Variants in IP6K1 observed in about 807,000 individuals in gnomAD.
The protein encoded by IP6K1 is ATP:1D-myo-inositol-hexakisphosphate phosphotransferase.
In IP6K1, 13 loss-of-function variants were observed where a neutral mutation model predicts 38.3. The ratio of observed to expected loss-of-function variants is 0.34; its 90% CI spans 0.22 to 0.54. The LOEUF is 0.54. Ranked by LOEUF, IP6K1 falls within the 20% of genes least tolerant of loss-of-function variation. IP6K1 has a pLI of 0.92. For synonymous variants in IP6K1, 212 were observed against 229.9 expected, an observed-to-expected ratio of 0.92 and a Z score of 0.70; for missense variants, 397 against 599.8, an observed-to-expected ratio of 0.66 and a Z score of 3.53.
chr3:49,728,342 C>T (rs2080530646), intron 4 of IP6K1, 64 bp from the exon 5 acceptor site: 3 of 1,538,320 alleles, frequency 2.0e-6, no homozygotes, highest in Admixed American at 3.5e-5. Context: ...GAAAGCACAA[C>T]CCAGTTTTTC....
intron 1 of IP6K1, among the ~76,000 whole-genome samples, chr3:49,770,657 G>A (rs568782014): frequency 2.0e-5 from 3 of 151,582 alleles, no homozygotes; most frequent in Non-Finnish European, 2.9e-5. Flanking sequence ...AAAAAATAAA[G>A]TTATATGATT....
chr3:49,766,177 AAAAAACAAAAAC>A (rs910391166), intron 1 of IP6K1, among the ~76,000 whole-genome samples: 6 of 152,094 alleles, frequency 3.9e-5, no homozygotes, highest in African/African-American at 1.2e-4. Context: ...CTCCATCTCA[AAAAAACAAAAAC>A]AAAAACAAAA....
At chr3:49,779,774 C>T (rs1326576305) in intron 1 of IP6K1, among the ~76,000 whole-genome samples, 1 of 152,160 alleles carries the variant, frequency 6.6e-6, no homozygotes, top group African/African-American at 2.4e-5. Context: ...CAGCCTCAAC[C>T]TCCTGGGCTC....
chr3:49,751,195 C>T (rs1004166441), intron 1 of IP6K1, among the ~76,000 whole-genome samples: 4 of 151,332 alleles, frequency 2.6e-5, no homozygotes, highest in Admixed American at 6.6e-5. Flanking sequence ...GTCTCACTGT[C>T]GCTAGGCTGG....
At chr3:49,774,363 G>C (rs2080987173) in intron 1 of IP6K1, among the ~76,000 whole-genome samples, 1 of 136,306 alleles carries the variant, frequency 7.3e-6, no homozygotes, top group South Asian at 2.3e-4. Context: ...AGCTGAGATA[G>C]TGCCACTGCA....
intron 1 of IP6K1, among the ~76,000 whole-genome samples, chr3:49,782,790 G>A (rs1419362711): frequency 1.3e-5 from 2 of 151,632 alleles, no homozygotes; most frequent in East Asian, 3.9e-4. Context: ...CAGCCTAGGA[G>A]GTTTTTAAGA....
At chr3:49,740,856 C>CTTTTTTTTTTTTTTTT (rs557851334) in intron 2 of IP6K1, among the ~76,000 whole-genome samples, 1 of 138,880 alleles carries the variant, frequency 7.2e-6, no homozygotes, top group Non-Finnish European at 1.6e-5. Flanking sequence ...TTTCTTTTTT[C>CTTTTTTTTTTTTTTTT]TTTTTTTTTT....
At chr3:49,744,067 C>T (rs1348745549) in intron 2 of IP6K1, among the ~76,000 whole-genome samples, 1 of 151,960 alleles carries the variant, frequency 6.6e-6, no homozygotes, top group Non-Finnish European at 1.5e-5. Context: ...CTAATGGTGA[C>T]TTCTATTCCC....
chr3:49,779,512 T>C (rs755442360), intron 1 of IP6K1, among the ~76,000 whole-genome samples: 3 of 152,202 alleles, frequency 2.0e-5, no homozygotes, highest in Non-Finnish European at 4.4e-5. Context: ...ATATGGTAAC[T>C]CTATGTTTAA....
chr3:49,765,816 G>T (rs192852375), intron 1 of IP6K1, among the ~76,000 whole-genome samples: 2 of 152,102 alleles, frequency 1.3e-5, no homozygotes, highest in African/African-American at 2.4e-5. Context: ...GCTAGGGCAG[G>T]TGGGTCACTT....
intron 2 of IP6K1, among the ~76,000 whole-genome samples, chr3:49,741,023 A>AT (rs1200186740): frequency 1.3e-5 from 2 of 151,738 alleles, no homozygotes; most frequent in Non-Finnish European, 2.9e-5. Flanking sequence ...TACTTTTTGT[A>AT]TTTTTTAGCA....
At chr3:49,739,880 T>C (rs1372548753) in intron 2 of IP6K1, among the ~76,000 whole-genome samples, 2 of 151,904 alleles carry the variant, frequency 1.3e-5, no homozygotes, top group African/African-American at 4.8e-5. Flanking sequence ...CCAGACATGG[T>C]GGTGCGTGCC....
At chr3:49,773,152 T>A (rs2080973800) in intron 1 of IP6K1, among the ~76,000 whole-genome samples, 1 of 152,130 alleles carries the variant, frequency 6.6e-6, no homozygotes, top group South Asian at 2.1e-4. Flanking sequence ...ATAGTCCCAA[T>A]TCTACCAATG....
At chr3:49,756,644 C>A (rs1011338762) in intron 1 of IP6K1, among the ~76,000 whole-genome samples, 8 of 151,748 alleles carry the variant, frequency 5.3e-5, no homozygotes, top group Admixed American at 3.3e-4. Flanking sequence ...ATGGAGAAAC[C>A]CTGTCTCTAC....
intron 1 of IP6K1, among the ~76,000 whole-genome samples, chr3:49,783,712 C>G (rs1320803749): frequency 2.5e-5 from 3 of 122,088 alleles, no homozygotes; most frequent in Non-Finnish European, 5.2e-5. Flanking sequence ...GATTCCGTCT[C>G]AAAAAAAAAA....
At chr3:49,763,256 A>AC (rs1371092177) in intron 1 of IP6K1, among the ~76,000 whole-genome samples, 2 of 147,502 alleles carry the variant, frequency 1.4e-5, no homozygotes. Context: ...GGCGCCCGCC[A>AC]CACACCCGGC....
intron 2 of IP6K1, among the ~76,000 whole-genome samples, chr3:49,740,513 T>G (rs2080657560): frequency 6.6e-6 from 1 of 152,206 alleles, no homozygotes; most frequent in Non-Finnish European, 1.5e-5. Flanking sequence ...CTCCCCATTT[T>G]CCCTTCCTCC....
chr3:49,740,228 CTTTTTTT>C (rs71080547), intron 2 of IP6K1, among the ~76,000 whole-genome samples: 2 of 76,510 alleles, frequency 2.6e-5, no homozygotes, highest in Non-Finnish European at 5.1e-5. Flanking sequence ...ATTTGCAATT[CTTTTTTT>C]TTTTTTTTTT....
intron 1 of IP6K1, among the ~76,000 whole-genome samples, chr3:49,782,566 C>T (rs551045755): frequency 6.6e-6 from 1 of 152,098 alleles, no homozygotes; most frequent in Non-Finnish European, 1.5e-5. Flanking sequence ...CTTTAGGAAC[C>T]CGAGGCAGGA....
Sources: gnomAD v4.1 joint callset for allele counts (sites outside exome capture counted in the v4.1 genomes callset) on GRCh38, gnomAD v4.1.1 for gene constraint, MANE v1.5 for transcripts, NCBI Gene and HGNC (gene_info 2026-07-23, HGNC 2026-07-21) for gene names.